Variants in MYH3 observed in about 807,000 individuals in gnomAD.
The protein encoded by MYH3 is myosin-3.
MYH3 carries 130 observed loss-of-function variants against 238.0 expected under a neutral mutation model. The ratio of observed to expected loss-of-function variants is 0.55; its 90% CI spans 0.47 to 0.63. The LOEUF (loss-of-function observed/expected upper bound fraction) is 0.63. Among genes scored for constraint, MYH3 ranks in the 30% least tolerant of loss-of-function variants. The pLI is 0.00. For synonymous variants in MYH3, 880 were observed against 924.1 expected, an observed-to-expected ratio of 0.95 and a Z score of 0.86; for missense variants, 1,853 against 2,374.9, an observed-to-expected ratio of 0.78 and a Z score of 4.57.
the MYH3 span, chr17:10,672,651 T>C: frequency 6.6e-6 from 1 of 152,220 alleles, no homozygotes; most frequent in Non-Finnish European, 1.5e-5. Flanking sequence ...GCCACTGCAA[T>C]ATTATTAGGC....
At chr17:10,650,644 T>C (rs975890543) in intron 5 of MYH3, among the ~76,000 whole-genome samples, 2 of 152,252 alleles carry the variant, frequency 1.3e-5, no homozygotes, top group Non-Finnish European at 2.9e-5. Flanking sequence ...TATGTTTATA[T>C]GGCAGAATGA....
At chr17:10,643,210 C>T (rs2074289333) in intron 14 of MYH3, among the ~76,000 whole-genome samples, 1 of 152,128 alleles carries the variant, frequency 6.6e-6, no homozygotes, top group Admixed American at 6.5e-5. Context: ...CCTGAGTTCC[C>T]AAGGTCTGGG....
At chr17:10,663,672 T>C in the MYH3 span, among the ~76,000 whole-genome samples, 1 of 152,044 alleles carries the variant, frequency 6.6e-6, no homozygotes, top group Non-Finnish European at 1.5e-5. Context: ...GGAGGGGGAC[T>C]TTCTTTTGGC....
chr17:10,660,111 T>C (rs2074469410), upstream of MYH3, among the ~76,000 whole-genome samples: 1 of 152,374 alleles, frequency 6.6e-6, no homozygotes, highest in African/African-American at 2.4e-5. Flanking sequence ...TGTGCTTCTT[T>C]GAGCCTTCGT....
At chr17:10,658,188 G>A (rs913697979), upstream of MYH3, among the ~76,000 whole-genome samples, 1 of 152,214 alleles carries the variant, frequency 6.6e-6, no homozygotes, top group Non-Finnish European at 1.5e-5. Context: ...TCTAAATCAG[G>A]AGTGGAAAAA....
chr17:10,648,964 C>T (rs536720821), intron 7 of MYH3, among the ~76,000 whole-genome samples: 115 of 152,258 alleles, frequency 7.6e-4, no homozygotes, highest in African/African-American at 2.5e-3. Context: ...CGTGAGCCAC[C>T]GAGCCCAGCC....
chr17:10,638,021 C>G, intron 27 of MYH3, 22 bp downstream of exon 27: 1 of 1,613,812 alleles, frequency 6.2e-7, no homozygotes, highest in Non-Finnish European at 8.5e-7. Context: ...AAGCCTTGAG[C>G]CACCCCCACC....
At chr17:10,651,307 T>C (rs1369351753) in intron 5 of MYH3, among the ~76,000 whole-genome samples, 3 of 152,196 alleles carry the variant, frequency 2.0e-5, no homozygotes, top group Non-Finnish European at 4.4e-5. Flanking sequence ...TTTTGCATAT[T>C]CTAACTTGCA....
chr17:10,634,244 A>G, intron 31 of MYH3, 62 bp from the exon 32 acceptor site: 2 of 1,579,588 alleles, frequency 1.3e-6, no homozygotes, highest in Non-Finnish European at 1.7e-6. Flanking sequence ...CTAACAAAAT[A>G]CTAAATAACT....
Position 10,647,528 on chromosome 17 carries a change from TTTTTG to T in MYH3, c.736-107_736-103del, listed in dbSNP as rs142213434. 0.64 allele frequency: 597,234 copies of T among 933,930 alleles called. 213,359 individuals carry two copies. Among genetic ancestry groups the T allele is most frequent in the Non-Finnish European group, 0.7 (408,902 of 586,382 alleles). The allele number at this position is 933,930 out of a possible 1,614,324, so 57.9% of individuals were successfully genotyped here. A position where few individuals can be genotyped will look rare whatever the true frequency, so the allele number is the denominator to read the frequency against. ...GAGTAGGAGCCTAGTCCCCCTAAAA[TTTTTG>T]TTTTGTTTTGTTTTGTTTTGTTATG... On this transcript the variant is annotated intron_variant, in intron 8 of 40. Transcript: ENST00000583535.
chr17:10,657,003 G>A (rs781590581), intron 1 of MYH3, among the ~76,000 whole-genome samples: 1 of 152,130 alleles, frequency 6.6e-6, no homozygotes, highest in Non-Finnish European at 1.5e-5. Flanking sequence ...AAAGGATCCT[G>A]CCCAAGAGGA....
chr17:10,630,057 AGAG>A (rs1430771531), intron 38 of MYH3, 32 bp downstream of exon 38: 2 of 1,608,574 alleles, frequency 1.2e-6, no homozygotes, highest in South Asian at 2.2e-5. Context: ...TGCACGTCAC[AGAG>A]GACACGATCA....
Position 10,640,230 on chromosome 17 carries a change from C to T in MYH3, c.2448G>A (p.Gln816=). Residue 816 remains glutamine, a synonymous_variant, in exon 22 of 41, where the codon CAG becomes CAA. Coordinates refer to ENST00000583535, the MANE Select transcript of MYH3 (RefSeq NM_002470.4). ...CGTTCATGAATGAGCGAATGTTGTA[C>T]TGGATGCAGAAGATGGACTCCCTAA... The part of the protein sequence containing the change: ...VQRRESIFCI[Q]YNIRSFMNVK... 1 of 1,614,208 alleles carries T rather than the reference C, an allele frequency of 6.2e-7. No homozygotes were observed. Among genetic ancestry groups the T allele is most frequent in the South Asian group, 1.1e-5 (1 of 91,084 alleles).
At chr17:10,665,424 T>C in the MYH3 span, among the ~76,000 whole-genome samples, 2 of 152,178 alleles carry the variant, frequency 1.3e-5, no homozygotes, top group African/African-American at 4.8e-5. Context: ...ATTACAGGTG[T>C]GAGCCACCGA....
At chr17:10,634,802 C>CTAGGA (rs1240850219) in intron 31 of MYH3, 38 bp downstream of exon 31, 1 of 1,612,012 alleles carries the variant, frequency 6.2e-7, no homozygotes, top group East Asian at 2.2e-5. Flanking sequence ...GAATCCCTTA[C>CTAGGA]ATCATGGCAT....
Position 10,632,783 on chromosome 17 carries a change from G to C in MYH3, c.4649C>G (p.Ala1550Gly), listed in dbSNP as rs778723610. The stretch of plus-strand genomic sequence containing the variant: ...CTTGGCTTCTTCATGCTCAAGAGCA[G>C]CCTTTAAGAAACAAAAGCAAATCAA... The part of the protein sequence containing the change: ...DIQLALEEAE[A>G]ALEHEEAKIL... The change falls in exon 34 of 41, where the codon GCT becomes GGT. Residue 1550 changes from alanine (A) to glycine (G), a missense_variant and splice_region_variant. By Grantham distance (60) the Ala-to-Gly change is moderately conservative. Transcript: ENST00000583535. 1.2e-6 allele frequency: 2 copies of C among 1,614,184 alleles called. No homozygotes were observed. The highest frequency in any genetic ancestry group is 3.3e-5 in the Admixed American group (2 of 60,030).
In MYH3 at chr17:10,654,149, TTC is replaced by T. The variant is rs972549217; in HGVS notation, c.204+710_204+711del. On this transcript the variant is annotated intron_variant, in intron 3 of 40. Transcript: ENST00000583535. The surrounding 1 kb of genome is among the most constrained non-coding windows in gnomAD (Gnocchi z 4.5). Reference sequence around the variant, plus strand: ...TGTCTCTTTTATTTTCTTTCTTTCTTTCTCTTTCTTTCTTTCCTTCCTTCCTT... The same window carrying T: ...TGTCTCTTTTATTTTCTTTCTTTCTTTCTTTCTTTCTTTCCTTCCTTCCTT... Among the ~76,000 whole-genome samples, 56 of 146,024 alleles carry T rather than the reference TTC, an allele frequency of 3.8e-4. No individual in the cohort carries two copies. The highest frequency in any genetic ancestry group is 5.2e-4 in the Non-Finnish European group (35 of 67,112).
chr17:10,652,654 C>CT (rs1478868268), intron 3 of MYH3, 91 bp from the exon 4 acceptor site: 1 of 1,361,748 alleles, frequency 7.3e-7, no homozygotes, highest in Non-Finnish European at 9.7e-7. Context: ...CGGAGTCTTG[C>CT]TTTGTCGCCC....
At chr17:10,672,491 T>G in the MYH3 span, 1 of 152,190 alleles carries the variant, frequency 6.6e-6, no homozygotes, top group East Asian at 1.9e-4. Context: ...TAAGTAAGGT[T>G]TATTGAGGTA....
Sources: allele counts gnomAD v4.1 joint callset (sites outside exome capture counted in the v4.1 genomes callset), GRCh38; gene constraint gnomAD v4.1.1; non-coding constraint Gnocchi (gnomAD v3.1); transcripts MANE v1.5; gene names NCBI Gene and HGNC (gene_info 2026-07-23, HGNC 2026-07-21).